Variants in MTCL2 observed in about 807,000 individuals in gnomAD.
MTCL2 encodes microtubule cross-linking factor 2.
the MTCL2 span, chr20:36,777,856 G>T: frequency 3.2e-6 from 2 of 625,932 alleles, no homozygotes; most frequent in Non-Finnish European, 5.7e-6. Context: ...GCTGGGGGTT[G>T]GAGCTGTTTT....
the MTCL2 span, among the ~76,000 whole-genome samples, chr20:36,860,819 G>A: frequency 6.6e-6 from 1 of 152,176 alleles, no homozygotes; most frequent in Admixed American, 6.5e-5. Context: ...ATAGCAGCAC[G>A]AAGCCTGAGC....
chr20:36,793,952 C>A, the MTCL2 span: 1 of 1,551,574 alleles, frequency 6.4e-7, no homozygotes, highest in Non-Finnish European at 8.7e-7. This position sits in a 1 kb window ranked among gnomAD's most constrained non-coding sequence, Gnocchi z 6.8. Flanking sequence ...TGTGCCCACA[C>A]TGGCCAGGCC....
the MTCL2 span, chr20:36,793,799 G>A: frequency 1.4e-5 from 21 of 1,541,490 alleles, no homozygotes; most frequent in African/African-American, 8.2e-5. This position sits in a 1 kb window ranked among gnomAD's most constrained non-coding sequence, Gnocchi z 6.8. Flanking sequence ...CTCGATGCGC[G>A]AATGGACCTT....
At chr20:36,810,165 A>G in the MTCL2 span, 5 of 1,528,306 alleles carry the variant, frequency 3.3e-6, no homozygotes, top group Non-Finnish European at 3.5e-6. Flanking sequence ...AGAAGTGGAT[A>G]GAAATTGTGA....
chr20:36,809,087 G>A, the MTCL2 span, among the ~76,000 whole-genome samples: 1 of 152,346 alleles, frequency 6.6e-6, no homozygotes. Flanking sequence ...GGTGACGCAT[G>A]GAGAGCAAAG....
chr20:36,844,768 C>T, the MTCL2 span, among the ~76,000 whole-genome samples: 3 of 151,820 alleles, frequency 2.0e-5, no homozygotes, highest in Admixed American at 2.0e-4. Context: ...GCCTGTAATC[C>T]CAGCACTATG....
the MTCL2 span, among the ~76,000 whole-genome samples, chr20:36,792,656 GGGT>G: frequency 2.6e-5 from 4 of 152,162 alleles, no homozygotes; most frequent in Non-Finnish European, 4.4e-5. Context: ...AGTCTCTGGT[GGGT>G]GGAGCAAAAG....
At chr20:36,802,723 A>G in the MTCL2 span, 1 of 1,087,096 alleles carries the variant, frequency 9.2e-7, no homozygotes, top group Non-Finnish European at 1.3e-6. Flanking sequence ...CTATACCTGA[A>G]GGAGATGGTG....
At chr20:36,818,585 C>A in the MTCL2 span, among the ~76,000 whole-genome samples, 1 of 152,070 alleles carries the variant, frequency 6.6e-6, no homozygotes, top group Non-Finnish European at 1.5e-5. Context: ...GGATTGCTTG[C>A]ATTGAGGAGT....
the MTCL2 span, among the ~76,000 whole-genome samples, chr20:36,831,087 C>A: frequency 6.6e-6 from 1 of 152,192 alleles, no homozygotes; most frequent in South Asian, 2.1e-4. Flanking sequence ...TCTGTTCTGT[C>A]CCCTGCTGGC....
At chr20:36,861,587 C>T in the MTCL2 span, among the ~76,000 whole-genome samples, 3 of 152,212 alleles carry the variant, frequency 2.0e-5, no homozygotes, top group South Asian at 2.1e-4. Context: ...AAACCAGCAG[C>T]ATGCTGTGAG....
At chr20:36,784,777 AG>A in the MTCL2 span, 1 of 985,524 alleles carries the variant, frequency 1.0e-6, no homozygotes, top group Admixed American at 6.1e-5. Flanking sequence ...GAGCCGTGAA[AG>A]GCCATAAGGC....
the MTCL2 span, among the ~76,000 whole-genome samples, chr20:36,786,876 T>C: frequency 6.6e-6 from 1 of 152,328 alleles, no homozygotes; most frequent in East Asian, 1.9e-4. Context: ...ACACTGTCCA[T>C]GGTCCTGCAC....
At chr20:36,808,480 C>T in the MTCL2 span, 5 of 1,548,830 alleles carry the variant, frequency 3.2e-6, no homozygotes, top group African/African-American at 1.4e-5. Context: ...CCCCAGCCCA[C>T]ACTCCCAGTC....
the MTCL2 span, among the ~76,000 whole-genome samples, chr20:36,807,997 T>A: frequency 7.1e-6 from 1 of 141,098 alleles, no homozygotes; most frequent in Non-Finnish European, 1.5e-5. Flanking sequence ...CGCCTCAGCC[T>A]CCCGAGTAGC....
chr20:36,788,937 G>C, the MTCL2 span, among the ~76,000 whole-genome samples: 1 of 151,794 alleles, frequency 6.6e-6, no homozygotes, highest in Non-Finnish European at 1.5e-5. Flanking sequence ...CTCCCGAGTA[G>C]CTGGGATTAC....
chr20:36,810,041 A>C, the MTCL2 span: 1 of 1,600,722 alleles, frequency 6.2e-7, no homozygotes, highest in South Asian at 1.1e-5. Context: ...CGCTCCTGGG[A>C]GAGCTGCTCT....
At chr20:36,843,038 C>G in the MTCL2 span, among the ~76,000 whole-genome samples, 1 of 152,184 alleles carries the variant, frequency 6.6e-6, no homozygotes, top group Non-Finnish European at 1.5e-5. Flanking sequence ...CATGCTGCCA[C>G]TGGGAGGAGG....
chr20:36,827,022 C>CCTTATTTA, the MTCL2 span, among the ~76,000 whole-genome samples: 1 of 144,306 alleles, frequency 6.9e-6, no homozygotes, highest in South Asian at 2.2e-4. Flanking sequence ...TATCATCCTG[C>CCTTATTTA]TTTATTTATT....
Sources: gnomAD v4.1 joint callset for allele counts (sites outside exome capture counted in the v4.1 genomes callset) on GRCh38, gnomAD v4.1.1 for gene constraint, Gnocchi (gnomAD v3.1) non-coding constraint, MANE v1.5 for transcripts, NCBI Gene and HGNC (gene_info 2026-07-23, HGNC 2026-07-21) for gene names.